Variants in PLXDC2 observed in about 807,000 individuals in gnomAD.
The protein encoded by PLXDC2 is plexin domain-containing protein 2.
In PLXDC2, 40 loss-of-function variants were observed where a neutral mutation model predicts 68.9. The observed-to-expected ratio is 0.58, with a 90% CI of 0.45 to 0.76. PLXDC2 has a LOEUF of 0.76. PLXDC2 is among the 30% of genes least tolerant of loss of function. The probability of loss-of-function intolerance (pLI) is 0.00; values close to 1 mark genes in which losing one functional copy is unlikely to be tolerated. For missense variants in PLXDC2, 644 were observed against 661.9 expected (o/e 0.97, Z 0.30); for synonymous variants, 243 against 234.2 (o/e 1.04, Z -0.34).
chr10:20,051,109 A>G lies in PLXDC2; in HGVS notation c.471+4094A>G, dbSNP rs529879685. ...GGGAACATGGATGGAACTGGAGGCC[A>G]TTATCCTTAGCAAACTAACACAGGA... On this transcript the variant is annotated intron_variant, in intron 3 of 13. Transcript: ENST00000377252. Among the ~76,000 whole-genome samples the G allele has an allele frequency of 4.6e-5, 7 of 152,174 alleles. No homozygotes were observed. In the South Asian group the frequency reaches 1.5e-3, roughly 32 times the overall value.
intron 1 of PLXDC2, among the ~76,000 whole-genome samples, chr10:19,965,361 C>G (rs1834230591): frequency 1.3e-5 from 2 of 152,170 alleles, no homozygotes; most frequent in Non-Finnish European, 2.9e-5. Flanking sequence ...TTGCCATGGA[C>G]TATTGGCCAT....
At chr10:20,191,901 A>G (rs1231288480) in intron 9 of PLXDC2, among the ~76,000 whole-genome samples, 4 of 152,076 alleles carry the variant, frequency 2.6e-5, no homozygotes, top group Non-Finnish European at 1.5e-5. Flanking sequence ...CCTTATACCT[A>G]GAGATGCTTA....
chr10:19,895,074 A>G (rs1037322309), intron 1 of PLXDC2, among the ~76,000 whole-genome samples: 1 of 152,234 alleles, frequency 6.6e-6, no homozygotes, highest in Non-Finnish European at 1.5e-5. Flanking sequence ...TGGCACATAT[A>G]CAACATGGAA....
At chr10:20,080,124 AC>A (rs1419630239) in intron 4 of PLXDC2, among the ~76,000 whole-genome samples, 2 of 152,080 alleles carry the variant, frequency 1.3e-5, no homozygotes, top group African/African-American at 4.8e-5. Flanking sequence ...AATTGCAGGA[AC>A]TTCTGGTTTC....
intron 4 of PLXDC2, among the ~76,000 whole-genome samples, chr10:20,142,880 T>G (rs1834025052): frequency 6.6e-6 from 1 of 152,018 alleles, no homozygotes; most frequent in South Asian, 2.1e-4. Flanking sequence ...GATGGTAGCT[T>G]ACATAAATAC....
At chr10:19,877,158 A>C (rs753161078) in intron 1 of PLXDC2, among the ~76,000 whole-genome samples, 2 of 151,956 alleles carry the variant, frequency 1.3e-5, no homozygotes, top group Admixed American at 6.6e-5. Flanking sequence ...AGATCAGTAA[A>C]ATAAGGGAGG....
intron 7 of PLXDC2, among the ~76,000 whole-genome samples, chr10:20,170,087 A>G (rs746725327): frequency 3.3e-5 from 5 of 152,240 alleles, no homozygotes; most frequent in Admixed American, 6.5e-5. Context: ...CAGAGCAAAT[A>G]TATTTTAAAA....
intron 10 of PLXDC2, among the ~76,000 whole-genome samples, chr10:20,213,773 T>G (rs945869553): frequency 5.9e-5 from 9 of 152,138 alleles, no homozygotes; most frequent in African/African-American, 1.9e-4. Flanking sequence ...AGGGTCTATG[T>G]GTGTTCAAGA....
intron 9 of PLXDC2, among the ~76,000 whole-genome samples, chr10:20,187,810 AC>A (rs1452196073): frequency 6.6e-6 from 1 of 151,936 alleles, no homozygotes; most frequent in African/African-American, 2.4e-5. Flanking sequence ...TAATTTTCTT[AC>A]AGAAATATTA....
intron 7 of PLXDC2, among the ~76,000 whole-genome samples, chr10:20,166,647 T>G (rs1834378689): frequency 6.6e-6 from 1 of 152,166 alleles, no homozygotes; most frequent in Non-Finnish European, 1.5e-5. Flanking sequence ...AAAAATTATT[T>G]GCGGCTTACT....
In PLXDC2 at chr10:20,281,462, AGC is replaced by A. The variant is rs1836081140; in HGVS notation, c.*1644_*1645del. The A allele has an allele frequency of 6.6e-6, 1 of 152,200 alleles. No homozygotes were observed. Among genetic ancestry groups the A allele is most frequent in the African/African-American group, 2.4e-5 (1 of 41,452 alleles). 9.4% of individuals were successfully genotyped at this position (152,200 alleles called of 1,614,324 possible). A position where few individuals can be genotyped will look rare whatever the true frequency, so the allele number is the denominator to read the frequency against. ...TCTCAAGAAGCAGAGATGTCTCATA[AGC>A]AGCATTTTCCCAACAGTTTAGCATC... On this transcript the variant is annotated 3_prime_UTR_variant, in exon 14 of 14. Transcript: ENST00000377252.
Position 20,193,628 on chromosome 10 carries a change from G to A in PLXDC2, c.1061+16219G>A, listed in dbSNP as rs74123319. ...ATAGCTTTTGCTATAAATATTTTTC[G>A]TCTGGATAAAAGGGGTGTGCTCTGA... On this transcript the variant is annotated intron_variant, in intron 9 of 13. Transcript: ENST00000377252. Among the ~76,000 whole-genome samples, 453 of 152,074 alleles carry A rather than the reference G, an allele frequency of 3.0e-3. 4 individuals are homozygous for A. The highest frequency in any genetic ancestry group is 0.01 in the African/African-American group (435 of 41,530).
intron 1 of PLXDC2, among the ~76,000 whole-genome samples, chr10:19,963,900 AT>A (rs1204743843): frequency 1.3e-5 from 2 of 152,150 alleles, no homozygotes; most frequent in Non-Finnish European, 2.9e-5. Context: ...GAAGTCAGAA[AT>A]TGAGCTTGCA....
At chr10:20,188,520 C>CT (rs1478216931) in intron 9 of PLXDC2, among the ~76,000 whole-genome samples, 1 of 151,352 alleles carries the variant, frequency 6.6e-6, no homozygotes, top group Non-Finnish European at 1.5e-5. Flanking sequence ...TTTAATAAGC[C>CT]TTTTTGGGGA....
chr10:19,954,642 T>G (rs575308207), intron 1 of PLXDC2, among the ~76,000 whole-genome samples: 2 of 152,336 alleles, frequency 1.3e-5, no homozygotes, highest in African/African-American at 4.8e-5. Context: ...ACTAAAAAAC[T>G]ATTATATTGG....
At chr10:19,953,353 T>C (rs117419593) in intron 1 of PLXDC2, among the ~76,000 whole-genome samples, 1,945 of 152,170 alleles carry the variant, frequency 0.013, 17 homozygotes, top group Non-Finnish European at 0.021. Flanking sequence ...ATTTAAGTAT[T>C]TGGGGTAGAG....
chr10:20,230,699 A>AAAAAAC (rs1191660788), intron 12 of PLXDC2, among the ~76,000 whole-genome samples: 3 of 149,220 alleles, frequency 2.0e-5, no homozygotes, highest in African/African-American at 7.3e-5. Flanking sequence ...GTCTCAAAAA[A>AAAAAAC]AAAAAAAAAA....
At chr10:19,993,022 A>G (rs1834776654) in intron 1 of PLXDC2, among the ~76,000 whole-genome samples, 1 of 152,154 alleles carries the variant, frequency 6.6e-6, no homozygotes, top group Admixed American at 6.5e-5. Flanking sequence ...TCCCCGAACC[A>G]TCACTGGACT....
chr10:20,139,875 G>T (rs1045067442), intron 4 of PLXDC2, among the ~76,000 whole-genome samples: 3 of 152,016 alleles, frequency 2.0e-5, no homozygotes, highest in African/African-American at 7.3e-5. Context: ...GCTTCGGGAG[G>T]GATAGCATTA....
Sources: allele counts gnomAD v4.1 joint callset (sites outside exome capture counted in the v4.1 genomes callset), GRCh38; gene constraint gnomAD v4.1.1; transcripts MANE v1.5; gene names NCBI Gene and HGNC (gene_info 2026-07-23, HGNC 2026-07-21).